Variants in RABGAP1L observed in about 807,000 individuals in gnomAD.
The protein encoded by RABGAP1L is RAB GTPase activating protein 1 like.
RABGAP1L carries 63 observed loss-of-function variants against 137.7 expected under a neutral mutation model. That is an observed-to-expected ratio of 0.46 (90% CI 0.37 to 0.56). RABGAP1L has a LOEUF of 0.56. Among genes scored for constraint, RABGAP1L ranks in the 20% least tolerant of loss-of-function variants. The pLI is 0.00. For synonymous variants in RABGAP1L, 431 were observed against 433.7 expected, an observed-to-expected ratio of 0.99 and a Z score of 0.08; for missense variants, 1,095 against 1,244.0, an observed-to-expected ratio of 0.88 and a Z score of 1.80.
At chr1:174,877,832 A>G (rs577759897) in intron 19 of RABGAP1L, among the ~76,000 whole-genome samples, 2 of 152,302 alleles carry the variant, frequency 1.3e-5, no homozygotes, top group East Asian at 1.9e-4. Context: ...AGAGTGCCAA[A>G]TATCACTTTG....
chr1:174,436,372 T>C (rs551681761), intron 13 of RABGAP1L, among the ~76,000 whole-genome samples: 5,691 of 152,340 alleles, frequency 0.037, 120 homozygotes, highest in Middle Eastern at 0.068. Flanking sequence ...TGGTATCTCA[T>C]TGTGGTTTTG....
chr1:174,842,612 A>G (rs1219924121), intron 19 of RABGAP1L, among the ~76,000 whole-genome samples: 1 of 152,202 alleles, frequency 6.6e-6, no homozygotes, highest in Non-Finnish European at 1.5e-5. Context: ...GAGGATACAC[A>G]GTCTCCCAAA....
intron 11 of RABGAP1L, among the ~76,000 whole-genome samples, chr1:174,354,054 C>A (rs1484304406): frequency 6.6e-6 from 1 of 152,102 alleles, no homozygotes; most frequent in Non-Finnish European, 1.5e-5. Flanking sequence ...GGGCATTTCT[C>A]TTTTATTATT....
intron 18 of RABGAP1L, among the ~76,000 whole-genome samples, chr1:174,777,878 G>C (rs956873193): frequency 2.6e-5 from 4 of 152,172 alleles, no homozygotes; most frequent in Non-Finnish European, 1.5e-5. Flanking sequence ...AAAAAAGGCA[G>C]AAAGGAGCAT....
intron 19 of RABGAP1L, among the ~76,000 whole-genome samples, chr1:174,874,152 CT>C (rs1652672981): frequency 6.6e-6 from 1 of 152,080 alleles, no homozygotes; most frequent in African/African-American, 2.4e-5. Context: ...TAAACATTTT[CT>C]TAATAAGATC....
intron 13 of RABGAP1L, among the ~76,000 whole-genome samples, chr1:174,484,013 T>C (rs192039698): frequency 6.6e-6 from 1 of 152,320 alleles, no homozygotes; most frequent in Admixed American, 6.5e-5. Context: ...TACTAATTTA[T>C]ATTTCCACCA....
At chr1:174,625,165 C>A (rs1223200478) in intron 13 of RABGAP1L, among the ~76,000 whole-genome samples, 1 of 152,016 alleles carries the variant, frequency 6.6e-6, no homozygotes, top group Non-Finnish European at 1.5e-5. Flanking sequence ...AGCAACTGTG[C>A]CTGGCCTATC....
At chr1:174,322,404 A>C (rs1680076786) in intron 11 of RABGAP1L, among the ~76,000 whole-genome samples, 1 of 152,170 alleles carries the variant, frequency 6.6e-6, no homozygotes, top group South Asian at 2.1e-4. Context: ...CTGGGCATGT[A>C]GTCACCTGAA....
chr1:174,699,477 G>T (rs1201033714), intron 15 of RABGAP1L, 48 bp from the exon 16 acceptor site: 2 of 1,551,816 alleles, frequency 1.3e-6, no homozygotes, highest in South Asian at 1.2e-5. Context: ...TTGACATTCT[G>T]GCAAAATGCC....
intron 19 of RABGAP1L, among the ~76,000 whole-genome samples, chr1:174,831,414 T>A (rs1692102093): frequency 6.7e-6 from 1 of 148,224 alleles, no homozygotes; most frequent in Non-Finnish European, 1.5e-5. Flanking sequence ...CCTTTTTTCC[T>A]GAGGATGAGT....
intron 11 of RABGAP1L, among the ~76,000 whole-genome samples, chr1:174,309,870 T>C (rs747993332): frequency 6.6e-5 from 10 of 152,128 alleles, no homozygotes; most frequent in South Asian, 4.1e-4. Flanking sequence ...AATGCTGGCC[T>C]CATAAAATGA....
intron 1 of RABGAP1L, among the ~76,000 whole-genome samples, chr1:174,182,479 C>T (rs1478610093): frequency 4.6e-5 from 7 of 152,130 alleles, no homozygotes; most frequent in Non-Finnish European, 1.0e-4. Context: ...AGCTTTCTGA[C>T]TGTAGAGGTT....
At position 174,683,472 on chromosome 1, in the gene RABGAP1L, T is replaced by TA. The variant is rs1381522359; in HGVS notation, c.1825-46dup. The TA allele has an allele frequency of 4.1e-6, 6 of 1,461,064 alleles. No individual in the cohort carries two copies. In the African/African-American group the frequency reaches 7.0e-5, roughly 17 times the overall value. 90.5% of individuals were successfully genotyped at this position (1,461,064 alleles called of 1,614,324 possible). On this transcript the variant is annotated intron_variant, in intron 14 of 25. Coordinates refer to ENST00000681986, the MANE Select transcript of RABGAP1L (RefSeq NM_001366446.1). The stretch of plus-strand genomic sequence containing the variant: ...GCCTGGTATGAGCTAACATTTAAGT[T>TA]AAAATCTGTGACTATTTACGATATT...
At chr1:174,463,443 A>C (rs1392777379) in intron 13 of RABGAP1L, among the ~76,000 whole-genome samples, 1 of 150,660 alleles carries the variant, frequency 6.6e-6, no homozygotes, top group Non-Finnish European at 1.5e-5. Flanking sequence ...GTTCTCACTC[A>C]TAGGTGGGAA....
At chr1:174,901,254 C>T (rs1249042256) in intron 19 of RABGAP1L, among the ~76,000 whole-genome samples, 1 of 152,086 alleles carries the variant, frequency 6.6e-6, no homozygotes, top group Non-Finnish European at 1.5e-5. Flanking sequence ...CGTTCTCACA[C>T]TGCTAATAAA....
chr1:174,737,850 G>A (rs1683083969), intron 17 of RABGAP1L, among the ~76,000 whole-genome samples: 1 of 152,072 alleles, frequency 6.6e-6, no homozygotes, highest in Non-Finnish European at 1.5e-5. Flanking sequence ...GGAAAGAGCG[G>A]GACCAAGAGA....
chr1:174,429,298 G>A (rs758866924), intron 13 of RABGAP1L, among the ~76,000 whole-genome samples: 27 of 152,084 alleles, frequency 1.8e-4, no homozygotes, highest in Admixed American at 7.2e-4. Flanking sequence ...TTTTTTGAAG[G>A]CATTATATTT....
chr1:174,267,316 G>A (rs937015593), intron 7 of RABGAP1L, among the ~76,000 whole-genome samples: 4 of 152,120 alleles, frequency 2.6e-5, no homozygotes, highest in African/African-American at 4.8e-5. Context: ...CTTTTACTTC[G>A]CTATAGAAGT....
intron 13 of RABGAP1L, among the ~76,000 whole-genome samples, chr1:174,546,752 C>T (rs374106290): frequency 1.2e-4 from 18 of 152,212 alleles, no homozygotes; most frequent in South Asian, 6.2e-4. Flanking sequence ...AGCAGTTGGC[C>T]GGGCGCGGTG....
Sources: allele counts gnomAD v4.1 joint callset (sites outside exome capture counted in the v4.1 genomes callset), GRCh38; gene constraint gnomAD v4.1.1; transcripts MANE v1.5; gene names NCBI Gene and HGNC (gene_info 2026-07-23, HGNC 2026-07-21).